The following TTF1 variants were observed in gnomAD, a reference collection of about 807,000 sequenced individuals.
TTF1 encodes the protein transcription termination factor 1, also known as transcription termination factor, RNA polymerase I.
In TTF1, 64 loss-of-function variants were observed where a neutral mutation model predicts 80.2. The observed-to-expected ratio is 0.80, with a 90% CI of 0.65 to 0.98. The LOEUF (loss-of-function observed/expected upper bound fraction) is 0.98. TTF1 is among the 50% of genes least tolerant of loss of function. TTF1 has a pLI of 0.00. For synonymous variants in TTF1, 372 were observed against 382.7 expected, an observed-to-expected ratio of 0.97 and a Z score of 0.33; for missense variants, 1,023 against 1,086.2, an observed-to-expected ratio of 0.94 and a Z score of 0.82.
chr9:132,399,657 C>A (rs759083505), intron 3 of TTF1, among the ~76,000 whole-genome samples: 3 of 152,148 alleles, frequency 2.0e-5, no homozygotes, highest in African/African-American at 4.8e-5. Flanking sequence ...AATTTAATAT[C>A]TTGGAGAAAG....
rs879769239 is a variant in TTF1 at position 132,394,286 on chromosome 9, ATT to A, written c.1857-2082_1857-2081del. Among the ~76,000 whole-genome samples the A allele has an allele frequency of 2.8e-5, 4 of 144,242 alleles. No homozygotes were observed. In the East Asian group the frequency reaches 8.2e-4, roughly 30 times the overall value. 94.6% of individuals were successfully genotyped at this position (144,242 alleles called of 152,430 possible). A position where few individuals can be genotyped will look rare whatever the true frequency, so the allele number is the denominator to read the frequency against. ...GAATAGAAACTGGTTATTCTTCACTATTTTTTTTTTTGAGGCGGAGTCTTGCT... is the reference window on the plus strand; with the variant it reads ...GAATAGAAACTGGTTATTCTTCACTATTTTTTTTTGAGGCGGAGTCTTGCT... On this transcript the variant is annotated intron_variant, in intron 5 of 10. Coordinates refer to ENST00000334270, the MANE Select transcript of TTF1 (RefSeq NM_007344.4).
chr9:132,390,682 G>T lies in TTF1; in HGVS notation c.2137C>A (p.Arg713=). ...ENPESCLSIV[R]EKLYKGISWV... Reference sequence around the variant, plus strand: ...GATATGCCCTTGTAGAGTTTTTCCCGAACAATTGATAGGCAACTTTCAGGA... The same window carrying T: ...GATATGCCCTTGTAGAGTTTTTCCCTAACAATTGATAGGCAACTTTCAGGA... The change falls in exon 7 of 11, where the codon CGG becomes AGG. Residue 713 remains arginine, a synonymous_variant. Coordinates refer to ENST00000334270, the MANE Select transcript of TTF1 (RefSeq NM_007344.4). 1.9e-6 allele frequency: 3 copies of T among 1,614,150 alleles called. No homozygotes were observed. Among genetic ancestry groups the T allele is most frequent in the Non-Finnish European group, 2.5e-6 (3 of 1,180,030 alleles).
At chr9:132,394,324 G>T (rs1327417694) in intron 5 of TTF1, among the ~76,000 whole-genome samples, 2 of 151,556 alleles carry the variant, frequency 1.3e-5, no homozygotes, top group Non-Finnish European at 2.9e-5. Context: ...GTGTTTCCCA[G>T]GCTGGAGTGC....
chr9:132,399,096 G>A (rs1849709910), intron 3 of TTF1, among the ~76,000 whole-genome samples: 2 of 151,586 alleles, frequency 1.3e-5, no homozygotes, highest in African/African-American at 4.9e-5. Flanking sequence ...CTACTTGGGA[G>A]GCTGAGGTGG....
rs1489753919 is a variant in TTF1, at chr9:132,401,694, A to G, written c.1128T>C (p.Leu376=). 6.2e-7 allele frequency: 1 copy of G among 1,614,074 alleles called. No homozygotes were observed. Among genetic ancestry groups the G allele is most frequent in the Non-Finnish European group, 8.5e-7 (1 of 1,180,052 alleles). The change falls in exon 2 of 11, where the codon CTT becomes CTC. Residue 376 remains leucine, a synonymous_variant. Coordinates refer to ENST00000334270, the MANE Select transcript of TTF1 (RefSeq NM_007344.4). ...TACTGTTGGATTCCTTGAACCCTTT[A>G]AGAGCTGTACTGCCTTCCACAGTCC... The part of the protein sequence containing the change: ...EVGTVEGSTA[L]KGFKESNSTK...
At chr9:132,390,456 A>G in intron 7 of TTF1, 141 bp downstream of exon 7, 1 of 712,666 alleles carries the variant, frequency 1.4e-6, no homozygotes, top group South Asian at 1.8e-5. Flanking sequence ...AGAGAGTGAT[A>G]TGGAAGCAGC....
intron 5 of TTF1, among the ~76,000 whole-genome samples, chr9:132,393,965 A>C (rs1279165979): frequency 6.6e-6 from 1 of 151,498 alleles, no homozygotes; most frequent in Non-Finnish European, 1.5e-5. Context: ...TCTGTCACCC[A>C]GGCTGGAGCA....
intron 5 of TTF1, among the ~76,000 whole-genome samples, chr9:132,392,861 A>T (rs1349592844): frequency 6.6e-6 from 1 of 152,246 alleles, no homozygotes; most frequent in Non-Finnish European, 1.5e-5. Flanking sequence ...AATATATTTC[A>T]TTGAACTCAA....
At chr9:132,392,398 G>A (rs975654609) in intron 5 of TTF1, among the ~76,000 whole-genome samples, 192 bp from the exon 6 acceptor site, 5 of 152,160 alleles carry the variant, frequency 3.3e-5, no homozygotes, top group African/African-American at 1.2e-4. Flanking sequence ...CTGAAGTGGA[G>A]ACCAGAGGCC....
chr9:132,400,021 C>A lies in TTF1; in HGVS notation c.1591+14G>T. On this transcript the variant is annotated intron_variant, in intron 3 of 10. Transcript: ENST00000334270. ...ACAGGAAGTTCAACAAACACTAAGG[C>A]CCCACAAGCTCACCTTGTGCTTTAA... 1 of 1,613,628 alleles carries A rather than the reference C, an allele frequency of 6.2e-7. No homozygotes were observed. Among genetic ancestry groups the A allele is most frequent in the South Asian group, 1.1e-5 (1 of 91,066 alleles).
chr9:132,401,536 A>T lies in TTF1; in HGVS notation c.1286T>A (p.Met429Lys), dbSNP rs200822673. The change falls in exon 2 of 11, where the codon ATG becomes AAG. Residue 429 changes from methionine to lysine, a missense_variant. Coordinates refer to ENST00000334270, the MANE Select transcript of TTF1 (RefSeq NM_007344.4). Reference protein sequence around the residue: ...FDSVEGDGAMMEEGVKSRPRQ... With the variant: ...FDSVEGDGAMKEEGVKSRPRQ... ...GGGCCTAGATTTCACACCTTCTTCC[A>T]TCATGGCGCCATCACCTTCTACTGA... 694 of 1,614,060 alleles carry T rather than the reference A, an allele frequency of 4.3e-4. 11 individuals carry two copies. In the East Asian group the frequency reaches 0.015, roughly 36 times the overall value.
intron 1 of TTF1, among the ~76,000 whole-genome samples, chr9:132,406,196 C>T (rs555851199): frequency 1.3e-5 from 2 of 152,170 alleles, no homozygotes; most frequent in African/African-American, 4.8e-5. Flanking sequence ...CCCGGATTCT[C>T]TCACCGCCTT....
chr9:132,401,472 G>A lies in TTF1; in HGVS notation c.1350C>T (p.His450=), dbSNP rs371937965. 1.2e-5 allele frequency: 20 copies of A among 1,611,386 alleles called. No homozygotes were observed. Among genetic ancestry groups the A allele is most frequent in the Middle Eastern group, 1.6e-4 (1 of 6,072 alleles). The change falls in exon 2 of 11, where the codon CAC becomes CAT. Residue 450 remains histidine, a synonymous_variant. Transcript: ENST00000334270. ...CTCGTTACCTTGGCGCCTCTTGCAC[G>A]TGCTTGCTTGCCAAACAGGCCTGGG... ...KKTQACLASK[H]VQEAPRLEPA...
chr9:132,398,104 C>A, intron 4 of TTF1, 37 bp downstream of exon 4: 1 of 1,503,554 alleles, frequency 6.7e-7, no homozygotes, highest in Non-Finnish European at 8.9e-7. Flanking sequence ...GGCTGGAAGG[C>A]TGTGGATGGT....
intron 5 of TTF1, among the ~76,000 whole-genome samples, chr9:132,394,105 G>A (rs1281271037): frequency 4.0e-5 from 6 of 151,526 alleles, no homozygotes; most frequent in South Asian, 2.1e-4. Context: ...GTAGAGCCAC[G>A]TTGCCCAGGC....
intron 4 of TTF1, among the ~76,000 whole-genome samples, chr9:132,397,231 C>G (rs1254977009): frequency 1.3e-5 from 2 of 152,172 alleles, no homozygotes; most frequent in East Asian, 3.8e-4. Context: ...TACAGGGTAA[C>G]AGTTTTCCAG....
At chr9:132,397,639 A>G (rs1024854772) in intron 4 of TTF1, among the ~76,000 whole-genome samples, 4 of 152,192 alleles carry the variant, frequency 2.6e-5, no homozygotes, top group African/African-American at 9.7e-5. Flanking sequence ...TTTCACCCTA[A>G]ACTTGGGAGA....
rs755591105 is a variant in TTF1, at chr9:132,385,485, G to A, written c.2378+1071C>T. On this transcript the variant is annotated intron_variant, in intron 9 of 10. Coordinates refer to ENST00000334270, the MANE Select transcript of TTF1 (RefSeq NM_007344.4). The stretch of plus-strand genomic sequence containing the variant: ...CACACGCACCCAGCCCATCGCTGCC[G>A]TCATTTTACTCACTGTTCTGGGCCA... Among the ~76,000 whole-genome samples, 10 of 152,162 alleles carry A rather than the reference G, an allele frequency of 6.6e-5. No homozygotes were observed. In the East Asian group the frequency reaches 1.3e-3, roughly 20 times the overall value.
intron 5 of TTF1, among the ~76,000 whole-genome samples, chr9:132,394,554 T>C (rs1370100412): frequency 6.6e-6 from 1 of 152,000 alleles, no homozygotes; most frequent in Non-Finnish European, 1.5e-5. Context: ...TGCTGGGAAT[T>C]ATAGGTGTGA....
Sources: allele counts gnomAD v4.1 joint callset (sites outside exome capture counted in the v4.1 genomes callset), GRCh38; gene constraint gnomAD v4.1.1; transcripts MANE v1.5; gene names NCBI Gene and HGNC (gene_info 2026-07-23, HGNC 2026-07-21).